FAM13A: variants seen among roughly 807,000 people sequenced by gnomAD.
FAM13A encodes the protein family with sequence similarity 13 member A, also known as protein FAM13A.
In FAM13A, 76 loss-of-function variants were observed where a neutral mutation model predicts 129.6. That is an observed-to-expected ratio of 0.59 (90% CI 0.49 to 0.71). The LOEUF (loss-of-function observed/expected upper bound fraction) is 0.71, where lower values mean the gene tolerates loss of function less well. Ranked by LOEUF, FAM13A falls within the 30% of genes least tolerant of loss-of-function variation. The pLI, the probability that FAM13A is intolerant of heterozygous loss-of-function variation, is 0.00. For missense variants in FAM13A, 1,108 were observed against 1,249.3 expected, an observed-to-expected ratio of 0.89 and a Z score of 1.70; for synonymous variants, 443 against 449.9, an observed-to-expected ratio of 0.98 and a Z score of 0.20.
At chr4:89,039,108 C>G (rs548773816) in intron 1 of FAM13A, among the ~76,000 whole-genome samples, 8 of 152,100 alleles carry the variant, frequency 5.3e-5, no homozygotes, top group Admixed American at 5.2e-4. Flanking sequence ...GCTTGTAAAC[C>G]TAACTTCTAG....
chr4:89,024,449 T>A (rs1271747292), intron 2 of FAM13A, among the ~76,000 whole-genome samples: 3 of 152,344 alleles, frequency 2.0e-5, no homozygotes, highest in Middle Eastern at 3.4e-3. Flanking sequence ...GGGCTTGATA[T>A]AGGCCTTTCT....
chr4:89,037,793 A>G (rs184329185), intron 1 of FAM13A, among the ~76,000 whole-genome samples: 1 of 152,222 alleles, frequency 6.6e-6, no homozygotes, highest in Non-Finnish European at 1.5e-5. Context: ...TGGTTGTTTA[A>G]AAGTGTGTAG....
At chr4:88,868,091 G>C (rs1290141481) in intron 6 of FAM13A, among the ~76,000 whole-genome samples, 2 of 151,980 alleles carry the variant, frequency 1.3e-5, no homozygotes, top group Non-Finnish European at 2.9e-5. Flanking sequence ...AAAAAAAGAT[G>C]ATCTGCAGGC....
intron 7 of FAM13A, among the ~76,000 whole-genome samples, chr4:88,830,681 G>C (rs940365178): frequency 6.6e-5 from 10 of 152,082 alleles, no homozygotes; most frequent in African/African-American, 2.4e-4. Context: ...TATCTGAGTA[G>C]GCTTGCTGGA....
At chr4:88,881,536 A>T (rs1009053214) in intron 6 of FAM13A, among the ~76,000 whole-genome samples, 1 of 152,198 alleles carries the variant, frequency 6.6e-6, no homozygotes, top group Non-Finnish European at 1.5e-5. Context: ...AAGGAAACAG[A>T]AAAACAATTC....
intron 6 of FAM13A, chr4:88,855,437 T>C (rs1738321801): frequency 6.6e-6 from 1 of 152,132 alleles, no homozygotes; most frequent in Non-Finnish European, 1.5e-5. Flanking sequence ...AATTATGGCA[T>C]ATACACATGA....
rs118084437 is a variant in FAM13A, at chr4:88,887,624, G to A, written c.843+18755C>T. Among the ~76,000 whole-genome samples, 1,167 of 151,274 alleles carry A rather than the reference G, an allele frequency of 7.7e-3. 9 individuals are homozygous for A. Among genetic ancestry groups the A allele is most frequent in the East Asian group, 0.017 (88 of 5,138 alleles). On this transcript the variant is annotated intron_variant, in intron 6 of 23. Transcript: ENST00000264344. ...CAGCTCACTGCAGCCTTTGCCTCGAGGGATCAAGTGATTCTCTTGCCTTAG... is the reference window on the plus strand; with the variant it reads ...CAGCTCACTGCAGCCTTTGCCTCGAAGGATCAAGTGATTCTCTTGCCTTAG...
chr4:88,893,346 T>C (rs760183133), intron 6 of FAM13A, among the ~76,000 whole-genome samples: 4 of 151,938 alleles, frequency 2.6e-5, no homozygotes, highest in South Asian at 2.1e-4. Context: ...CAGTTCAGGC[T>C]GGGTGCAGTG....
intron 11 of FAM13A, among the ~76,000 whole-genome samples, chr4:88,770,833 G>C (rs940006365): frequency 2.0e-5 from 3 of 152,128 alleles, no homozygotes; most frequent in Admixed American, 6.5e-5. Context: ...GTTAAAACAA[G>C]TATTAACTTC....
At position 88,747,787 on chromosome 4, in the gene FAM13A, G is replaced by C; in HGVS notation, c.2226C>G (p.Leu742=). Residue 742 remains leucine, a synonymous_variant, in exon 18 of 24, where the codon CTC becomes CTG. Coordinates refer to ENST00000264344, the MANE Select transcript of FAM13A (RefSeq NM_014883.4). ...TPRMRQRSNT[L]PKSFGSQLEK... is the part of the protein sequence containing the mutation. ...CAAGTTGGGAACCAAAACTCTTGGGGAGTGTGTTGCTTCGCTGCCGCATCC... is the reference window on the plus strand; with the variant it reads ...CAAGTTGGGAACCAAAACTCTTGGGCAGTGTGTTGCTTCGCTGCCGCATCC... The C allele has an allele frequency of 6.2e-7, 1 of 1,614,204 alleles. No homozygotes were observed. Among genetic ancestry groups the C allele is most frequent in the Non-Finnish European group, 8.5e-7 (1 of 1,180,020 alleles).
At chr4:88,916,959 C>T (rs1178625237) in intron 5 of FAM13A, among the ~76,000 whole-genome samples, 1 of 152,066 alleles carries the variant, frequency 6.6e-6, no homozygotes, top group Non-Finnish European at 1.5e-5. Context: ...ATTTTTAAAG[C>T]TCATAGAATA....
intron 1 of FAM13A, among the ~76,000 whole-genome samples, chr4:89,030,945 G>A (rs17014952): frequency 0.015 from 2,242 of 152,108 alleles, 61 homozygotes; most frequent in African/African-American, 0.051. Context: ...TGCATCTTTT[G>A]TAGGTCATAT....
intron 14 of FAM13A, among the ~76,000 whole-genome samples, chr4:88,751,220 C>T (rs559356754): frequency 1.7e-4 from 26 of 151,914 alleles, no homozygotes; most frequent in South Asian, 1.5e-3. Flanking sequence ...CCAGCCTGGG[C>T]GACAGAGTGA....
At chr4:88,958,191 C>CGA (rs1292296776) in intron 4 of FAM13A, among the ~76,000 whole-genome samples, 46 of 152,318 alleles carry the variant, frequency 3.0e-4, no homozygotes, top group African/African-American at 1.1e-3. Context: ...AGCAAAAGGC[C>CGA]TCAAGGGCAC....
chr4:88,765,307 G>C (rs938292227), intron 13 of FAM13A, among the ~76,000 whole-genome samples: 1 of 152,146 alleles, frequency 6.6e-6, no homozygotes, highest in Non-Finnish European at 1.5e-5. Context: ...TATCAATAAG[G>C]ATGAAGTCTG....
At chr4:88,916,899 C>T (rs1225559358) in intron 5 of FAM13A, among the ~76,000 whole-genome samples, 1 of 152,092 alleles carries the variant, frequency 6.6e-6, no homozygotes, top group African/African-American at 2.4e-5. Context: ...CTGTGCCACC[C>T]CACTAAAAGG....
At chr4:88,811,996 T>C (rs765284905) in intron 7 of FAM13A, among the ~76,000 whole-genome samples, 4 of 152,072 alleles carry the variant, frequency 2.6e-5, no homozygotes, top group Non-Finnish European at 5.9e-5. Flanking sequence ...TGGGAGTAGG[T>C]TCCTGGTAAA....
chr4:88,938,109 C>A lies in FAM13A; in HGVS notation c.738G>T (p.Leu246=), dbSNP rs960045300. The part of the protein sequence containing the change: ...TENDHLRCEN[L]ARLIIVKEVY... The stretch of plus-strand genomic sequence containing the variant: ...TTACTTTTACTATGATAAGCCTAGC[C>A]AGGTTTTCACATCTCAGATGATCAT... The change falls in exon 5 of 24, where the codon CTG becomes CTT. Residue 246 remains leucine (L), a synonymous_variant. Coordinates refer to ENST00000264344, the MANE Select transcript of FAM13A (RefSeq NM_014883.4). The A allele has an allele frequency of 6.2e-7, 1 of 1,613,376 alleles. No individual in the cohort carries two copies. The highest frequency in any genetic ancestry group is 1.7e-5 in the Admixed American group (1 of 59,976).
chr4:88,997,673 A>G (rs1020624938), intron 3 of FAM13A, among the ~76,000 whole-genome samples: 1 of 152,188 alleles, frequency 6.6e-6, no homozygotes, highest in African/African-American at 2.4e-5. Flanking sequence ...ACATGCCTGG[A>G]CTTTTCAATG....
Sources: gnomAD v4.1 joint callset for allele counts (sites outside exome capture counted in the v4.1 genomes callset) on GRCh38, gnomAD v4.1.1 for gene constraint, MANE v1.5 for transcripts, NCBI Gene and HGNC (gene_info 2026-07-23, HGNC 2026-07-21) for gene names.